Variants in EIF4E1B observed in about 807,000 individuals in gnomAD.
EIF4E1B encodes eukaryotic translation initiation factor 4E family member 1B, also known as eukaryotic translation initiation factor 4E type 1B.
EIF4E1B carries 22 observed loss-of-function variants against 31.3 expected under a neutral mutation model. The observed-to-expected ratio is 0.70, with a 90% CI of 0.50 to 1.00. The LOEUF is 1.00. EIF4E1B is among the 50% of genes least tolerant of loss of function. EIF4E1B has a pLI of 0.00. For synonymous variants in EIF4E1B, 126 were observed against 120.2 expected (o/e 1.05, Z -0.31); for missense variants, 290 against 311.6 (o/e 0.93, Z 0.52).
At chr5:176,635,631 G>T (rs1006554611) in intron 1 of EIF4E1B, among the ~76,000 whole-genome samples, 2 of 152,220 alleles carry the variant, frequency 1.3e-5, no homozygotes, top group Non-Finnish European at 2.9e-5. Context: ...CACAGGTGGT[G>T]TGATGACTTC....
intron 1 of EIF4E1B, among the ~76,000 whole-genome samples, chr5:176,637,300 G>A (rs574569263): frequency 2.6e-4 from 40 of 152,278 alleles, no homozygotes; most frequent in African/African-American, 9.4e-4. Flanking sequence ...TCATCCAGGT[G>A]TGGTGATGTG....
intron 3 of EIF4E1B, 38 bp downstream of exon 3, chr5:176,642,840 G>GCC (rs1349018885): frequency 1.4e-6 from 2 of 1,424,034 alleles, no homozygotes; most frequent in Non-Finnish European, 1.8e-6. Context: ...GTGCACCATG[G>GCC]CCCCGCCCTC....
chr5:176,642,883 C>A, intron 3 of EIF4E1B, 81 bp downstream of exon 3: 2 of 997,654 alleles, frequency 2.0e-6, no homozygotes, highest in Non-Finnish European at 1.3e-6. Context: ...GTGGGCGGGG[C>A]AGGTGCTGGT....
chr5:176,641,694 C>G (rs967147535), intron 1 of EIF4E1B: 1 of 152,450 alleles, frequency 6.6e-6, no homozygotes, highest in African/African-American at 2.4e-5. Flanking sequence ...TGAGCAAATA[C>G]TCAGCCTCCA....
Position 176,645,433 on chromosome 5 carries a change from C to T in EIF4E1B, c.531C>T (p.Ala177=), listed in dbSNP as rs989034254. The change falls in exon 8 of 9, where the codon GCC becomes GCT. Residue 177 remains alanine, a synonymous_variant. Coordinates refer to ENST00000318682, the MANE Select transcript of EIF4E1B (RefSeq NM_001099408.2). This position sits in a 1 kb window ranked among gnomAD's most constrained non-coding sequence, Gnocchi z 5.4. ...AACACAGCAGAGAGGTATGTGGGGC[C>T]GTCGTCAACATCCGCACCAAGGGGG... The part of the protein sequence containing the change: ...FEEHSREVCG[A]VVNIRTKGDK... The T allele has an allele frequency of 4.0e-6, 6 of 1,513,606 alleles. No homozygotes were observed. The East Asian group carries it at 6.9e-5, about 17-fold the overall frequency. 93.8% of individuals were successfully genotyped at this position (1,513,606 alleles called of 1,614,324 possible). A position where few individuals can be genotyped will look rare whatever the true frequency, so the allele number is the denominator to read the frequency against.
At chr5:176,641,283 G>A (rs1412930412) in intron 1 of EIF4E1B, among the ~76,000 whole-genome samples, 2 of 152,122 alleles carry the variant, frequency 1.3e-5, no homozygotes, top group Non-Finnish European at 2.9e-5. Context: ...AGCCAAGATG[G>A]CACCACTGCA....
At chr5:176,643,517 T>C in intron 4 of EIF4E1B, 122 bp from the exon 5 acceptor site, 2 of 971,522 alleles carry the variant, frequency 2.1e-6, no homozygotes, top group Non-Finnish European at 3.1e-6. Context: ...GGGAATGCTG[T>C]GCCCCAAATC....
At chr5:176,642,992 C>T in intron 3 of EIF4E1B, 90 bp from the exon 4 acceptor site, 1 of 1,519,314 alleles carries the variant, frequency 6.6e-7, no homozygotes, top group Non-Finnish European at 8.8e-7. Context: ...CCCCTGCCTT[C>T]CCCTCCTGGA....
At chr5:176,643,586 G>T in intron 4 of EIF4E1B, 53 bp from the exon 5 acceptor site, 1 of 1,535,402 alleles carries the variant, frequency 6.5e-7, no homozygotes. Context: ...GGTGCCCCGG[G>T]GGTGGACTTG....
intron 1 of EIF4E1B, among the ~76,000 whole-genome samples, chr5:176,639,418 C>T (rs1760541522): frequency 6.6e-6 from 1 of 152,154 alleles, no homozygotes; most frequent in Non-Finnish European, 1.5e-5. Context: ...GCCTGTAGCG[C>T]CAGGGGGGTT....
chr5:176,643,761 G>T (rs756415431), intron 5 of EIF4E1B, 27 bp downstream of exon 5: 1 of 1,598,532 alleles, frequency 6.3e-7, no homozygotes, highest in Non-Finnish European at 8.5e-7. Flanking sequence ...AGTGGGGCTA[G>T]AGTTGGGGGG....
chr5:176,631,291 A>T (rs959083042), intron 1 of EIF4E1B, among the ~76,000 whole-genome samples: 2 of 152,212 alleles, frequency 1.3e-5, no homozygotes, highest in African/African-American at 4.8e-5. Context: ...GCCAGGATGG[A>T]GGGAGGTGGA....
chr5:176,631,705 C>T (rs1050896223), intron 1 of EIF4E1B, among the ~76,000 whole-genome samples: 8 of 151,934 alleles, frequency 5.3e-5, no homozygotes, highest in Admixed American at 3.3e-4. Flanking sequence ...ATTCACAGGC[C>T]GCTGGTAGAA....
intron 3 of EIF4E1B, 65 bp downstream of exon 3, chr5:176,642,867 C>A: frequency 6.6e-7 from 1 of 1,510,552 alleles, no homozygotes; most frequent in Non-Finnish European, 8.9e-7. Context: ...CCCCCCCCCG[C>A]CCCAGGTGGG....
chr5:176,644,394 G>A lies in EIF4E1B; in HGVS notation c.315G>A (p.Gln105=). 1.3e-6 allele frequency: 2 copies of A among 1,594,292 alleles called. No homozygotes were observed. The highest frequency in any genetic ancestry group is 1.7e-6 in the Non-Finnish European group (2 of 1,170,286). The change falls in exon 6 of 9, where the codon CAG becomes CAA. Residue 105 remains glutamine (Q), a synonymous_variant. Transcript: ENST00000318682. ...EDFWALYSHI[Q]LASKLSSGCD... is the part of the protein sequence containing the mutation. ...TGTCCAGGCTATACAGTCACATCCA[G>A]CTGGCCAGCAAGCTCTCCTCTGGCT...
Position 176,638,224 on chromosome 5 carries a change from T to G in EIF4E1B, c.-201-3819T>G, listed in dbSNP as rs1415796937. On this transcript the variant is annotated intron_variant, in intron 1 of 8. Coordinates refer to ENST00000318682, the MANE Select transcript of EIF4E1B (RefSeq NM_001099408.2). This position sits in a 1 kb window ranked among gnomAD's most constrained non-coding sequence, Gnocchi z 4.3. Reference sequence around the variant, plus strand: ...GCTCTTCTGGATTTCTGGTGGCGGCTAAGCATGTCACTCTCTAAATGACAT... The same window carrying G: ...GCTCTTCTGGATTTCTGGTGGCGGCGAAGCATGTCACTCTCTAAATGACAT... Among the ~76,000 whole-genome samples, 1 of 152,148 alleles carries G rather than the reference T, an allele frequency of 6.6e-6. No homozygotes were observed. The highest frequency in any genetic ancestry group is 1.5e-5 in the Non-Finnish European group (1 of 68,030).
chr5:176,640,295 G>C (rs906664449), intron 1 of EIF4E1B, among the ~76,000 whole-genome samples: 1 of 152,224 alleles, frequency 6.6e-6, no homozygotes, highest in Non-Finnish European at 1.5e-5. Context: ...TGAGTGAGCA[G>C]ATGACTCCAG....
intron 1 of EIF4E1B, among the ~76,000 whole-genome samples, chr5:176,641,253 G>A (rs1760570482): frequency 6.6e-6 from 1 of 152,178 alleles, no homozygotes; most frequent in Non-Finnish European, 1.5e-5. Context: ...CACCTGAGCT[G>A]AGACGTCAAG....
In EIF4E1B at chr5:176,643,096, G is replaced by A; in HGVS notation, c.30G>A (p.Glu10=). 2.5e-6 allele frequency: 4 copies of A among 1,612,516 alleles called. No individual in the cohort carries two copies. Among genetic ancestry groups the A allele is most frequent in the Non-Finnish European group, 3.4e-6 (4 of 1,179,240 alleles). Residue 10 remains glutamate, a synonymous_variant, in exon 4 of 9, where the codon GAG becomes GAA. Coordinates refer to ENST00000318682, the MANE Select transcript of EIF4E1B (RefSeq NM_001099408.2). The stretch of plus-strand genomic sequence containing the variant: ...TTTTGGCTCAGGTGAGTGAAGCTGA[G>A]GGTGGAATCCGAGAGTGGGAGGAGG... MLAVEVSEA[E]GGIREWEEEE...
Sources: allele counts gnomAD v4.1 joint callset (sites outside exome capture counted in the v4.1 genomes callset), GRCh38; gene constraint gnomAD v4.1.1; non-coding constraint Gnocchi (gnomAD v3.1); transcripts MANE v1.5; gene names NCBI Gene and HGNC (gene_info 2026-07-23, HGNC 2026-07-21).